Variants in PTCHD4 observed in about 807,000 individuals in gnomAD.
The protein encoded by PTCHD4 is patched domain-containing protein 4.
A neutral mutation model predicts 58.1 loss-of-function variants in PTCHD4; 33 were observed. The ratio of observed to expected loss-of-function variants is 0.57; its 90% CI spans 0.43 to 0.76. The LOEUF is 0.76. Ranked by LOEUF, PTCHD4 falls within the 30% of genes least tolerant of loss-of-function variation. The pLI is 0.00. For missense variants in PTCHD4, 1,058 were observed against 1,027.1 expected, an observed-to-expected ratio of 1.03 and a Z score of -0.41; for synonymous variants, 478 against 409.6, an observed-to-expected ratio of 1.17 and a Z score of -2.02.
At position 47,875,339 on chromosome 6, in the gene PTCHD4, A is replaced by C. The variant is rs1226748576; in HGVS notation, c.*2964T>G. 1.3e-5 allele frequency among the ~76,000 whole-genome samples: 2 copies of C among 151,790 alleles called. No individual in the cohort carries two copies. The highest frequency in any genetic ancestry group is 2.9e-5 in the Non-Finnish European group (2 of 67,854). The stretch of plus-strand genomic sequence containing the variant: ...AAGGTTGGGATTGGGGGTGACCTGC[A>C]AGTCATGATCTCATATCTTAGGATG... On this transcript the variant is annotated 3_prime_UTR_variant, in exon 5 of 5. Transcript: ENST00000339488.
intron 1 of PTCHD4, among the ~76,000 whole-genome samples, chr6:48,087,893 C>T (rs942682803): frequency 9.9e-5 from 15 of 151,982 alleles, no homozygotes; most frequent in African/African-American, 2.2e-4. Context: ...TATGGTGGTC[C>T]TTAAGCAGTT....
At chr6:47,965,424 C>T (rs1034661734) in intron 4 of PTCHD4, among the ~76,000 whole-genome samples, 3 of 152,086 alleles carry the variant, frequency 2.0e-5, no homozygotes, top group African/African-American at 7.2e-5. Context: ...CCAAAGTATT[C>T]TCTTTAAAAA....
intron 1 of PTCHD4, among the ~76,000 whole-genome samples, chr6:48,108,855 A>C (rs910305467): frequency 6.6e-6 from 1 of 151,884 alleles, no homozygotes; most frequent in Non-Finnish European, 1.5e-5. Flanking sequence ...TTTGGAAAAC[A>C]TTAATAAACA....
chr6:47,989,214 A>G (rs1020912371), intron 4 of PTCHD4, among the ~76,000 whole-genome samples: 1 of 152,226 alleles, frequency 6.6e-6, no homozygotes, highest in African/African-American at 2.4e-5. Flanking sequence ...GAAATTTCTA[A>G]GCAGCAAAGC....
At chr6:47,947,288 C>A in intron 4 of PTCHD4, among the ~76,000 whole-genome samples, 1 of 152,076 alleles carries the variant, frequency 6.6e-6, no homozygotes, top group East Asian at 1.9e-4. Context: ...ACTAACTTTG[C>A]CCAATCTTTT....
At position 47,877,470 on chromosome 6, in the gene PTCHD4, T is replaced by C. The variant is rs1763877619; in HGVS notation, c.*833A>G. ...TATGAAACAGTAAACCTTGTCCATG[T>C]GGTAATTAATTCAAATGCCTTTTGT... On this transcript the variant is annotated 3_prime_UTR_variant, in exon 5 of 5. Coordinates refer to ENST00000339488, the MANE Select transcript of PTCHD4 (RefSeq NM_001384253.1). Among the ~76,000 whole-genome samples the C allele has an allele frequency of 6.6e-6, 1 of 152,078 alleles. No homozygotes were observed. The highest frequency in any genetic ancestry group is 1.5e-5 in the Non-Finnish European group (1 of 67,978).
chr6:47,959,054 T>C (rs2113964041), intron 4 of PTCHD4, among the ~76,000 whole-genome samples: 1 of 152,320 alleles, frequency 6.6e-6, no homozygotes, highest in South Asian at 2.1e-4. Context: ...ATTTCTAGCA[T>C]CTGATAAAAA....
In PTCHD4 at chr6:47,938,159, A is replaced by G. The variant is rs189452435; in HGVS notation, c.899-58223T>C. Among the ~76,000 whole-genome samples the G allele has an allele frequency of 2.6e-5, 4 of 152,320 alleles. No individual in the cohort carries two copies. In the East Asian group the frequency reaches 7.7e-4, roughly 29 times the overall value. On this transcript the variant is annotated intron_variant, in intron 4 of 4. Transcript: ENST00000339488. ...CAGAGAGAGATTCCCTCTTAAAAAA[A>G]GAAAAAGAAATAAAATATTTCAGAG...
intron 1 of PTCHD4, among the ~76,000 whole-genome samples, chr6:48,102,787 C>T (rs112360842): frequency 1.2e-4 from 19 of 152,340 alleles, no homozygotes; most frequent in African/African-American, 2.2e-4. Context: ...GCTTAACAAA[C>T]GACACACCAG....
chr6:47,930,723 G>A (rs1038330733), intron 4 of PTCHD4, among the ~76,000 whole-genome samples: 1 of 152,166 alleles, frequency 6.6e-6, no homozygotes, highest in African/African-American at 2.4e-5. Context: ...AGGAAATATT[G>A]TCTCCTTTCA....
At chr6:48,074,886 A>G (rs1316024361) in intron 1 of PTCHD4, among the ~76,000 whole-genome samples, 2 of 152,220 alleles carry the variant, frequency 1.3e-5, no homozygotes, top group South Asian at 2.1e-4. Context: ...ATTTATGTTA[A>G]AAAGCTTTAT....
At chr6:48,096,561 G>A (rs963645187) in intron 1 of PTCHD4, among the ~76,000 whole-genome samples, 20 of 150,042 alleles carry the variant, frequency 1.3e-4, no homozygotes, top group South Asian at 1.0e-3. Context: ...GCAGTGAGCC[G>A]AGATGGTGCC....
At chr6:47,989,579 T>A (rs1054088701) in intron 4 of PTCHD4, among the ~76,000 whole-genome samples, 1 of 152,182 alleles carries the variant, frequency 6.6e-6, no homozygotes, top group East Asian at 1.9e-4. Context: ...GGGGCCAAGG[T>A]ACAGCTCAGG....
intron 3 of PTCHD4, among the ~76,000 whole-genome samples, chr6:48,034,525 T>C: frequency 6.6e-6 from 1 of 152,164 alleles, no homozygotes; most frequent in Non-Finnish European, 1.5e-5. Context: ...ACCATTTGGT[T>C]AATATCTTAT....
intron 4 of PTCHD4, among the ~76,000 whole-genome samples, chr6:47,964,755 A>G (rs1767221743): frequency 6.6e-6 from 1 of 152,186 alleles, no homozygotes; most frequent in African/African-American, 2.4e-5. Flanking sequence ...TGTCAAAACC[A>G]AAGTTCCACA....
chr6:47,879,902 G>A lies in PTCHD4; in HGVS notation c.933C>T (p.Ser311=), dbSNP rs771392397. 32 of 1,570,782 alleles carry A rather than the reference G, an allele frequency of 2.0e-5. No individual in the cohort carries two copies. The highest frequency in any genetic ancestry group is 9.4e-5 in the East Asian group (4 of 42,510). The change falls in exon 5 of 5, where the codon TCC becomes TCT. Residue 311 remains serine (S), a synonymous_variant. Transcript: ENST00000339488. Reference sequence around the variant, plus strand: ...AGTTCTCTTTGGTTCTCCGCCATCCGGACAGAAGCTCAAACACTCCTTTAG... The same window carrying A: ...AGTTCTCTTTGGTTCTCCGCCATCCAGACAGAAGCTCAAACACTCCTTTAG... ...HGTKGVFELL[S]GWRRTKENLP...
intron 4 of PTCHD4, among the ~76,000 whole-genome samples, chr6:47,903,570 C>G (rs1016612142): frequency 6.6e-6 from 1 of 152,148 alleles, no homozygotes; most frequent in Non-Finnish European, 1.5e-5. Context: ...CTGCCTTGGC[C>G]TCCGAAGGTG....
rs1763590553 is a variant in PTCHD4, at chr6:47,867,242, TG to T, written c.*11060del. ...ATGTCAGTCTCTTACTCTCACACTTTGAGGGCTTTTGTGCCAGAACGTGGAC... is the reference window on the plus strand; with the variant it reads ...ATGTCAGTCTCTTACTCTCACACTTTAGGGCTTTTGTGCCAGAACGTGGAC... On this transcript the variant is annotated 3_prime_UTR_variant, in exon 5 of 5. Coordinates refer to ENST00000339488, the MANE Select transcript of PTCHD4 (RefSeq NM_001384253.1). 6.6e-6 allele frequency among the ~76,000 whole-genome samples: 1 copy of T among 151,766 alleles called. No homozygotes were observed. The highest frequency in any genetic ancestry group is 2.4e-5 in the African/African-American group (1 of 41,376).
chr6:48,108,006 C>A (rs907773833), intron 1 of PTCHD4, among the ~76,000 whole-genome samples: 2 of 152,116 alleles, frequency 1.3e-5, no homozygotes, highest in Non-Finnish European at 2.9e-5. Context: ...GTTGGTGGGA[C>A]TGTAAACTAG....
Sources: allele counts gnomAD v4.1 joint callset (sites outside exome capture counted in the v4.1 genomes callset), GRCh38; gene constraint gnomAD v4.1.1; transcripts MANE v1.5; gene names NCBI Gene and HGNC (gene_info 2026-07-23, HGNC 2026-07-21).